Variants in PLCB4 observed in about 807,000 individuals in gnomAD.
PLCB4 encodes the protein phospholipase C beta 4.
Under a neutral mutation model 178.8 loss-of-function variants are expected in PLCB4, and 77 were observed. The observed-to-expected ratio is 0.43, with a 90% CI of 0.36 to 0.52. The LOEUF is 0.52. Ranked by LOEUF, PLCB4 falls within the 20% of genes least tolerant of loss-of-function variation. The probability of loss-of-function intolerance (pLI) is 0.00; values close to 1 mark genes in which losing one functional copy is unlikely to be tolerated. For missense variants in PLCB4, 1,024 were observed against 1,453.4 expected, an observed-to-expected ratio of 0.70 and a Z score of 4.80; for synonymous variants, 496 against 490.8, an observed-to-expected ratio of 1.01 and a Z score of -0.14.
chr20:9,294,345 T>C (rs1302643980), intron 3 of PLCB4, among the ~76,000 whole-genome samples: 3 of 152,182 alleles, frequency 2.0e-5, no homozygotes, highest in Non-Finnish European at 4.4e-5. Context: ...AAGTTGCCTG[T>C]CATTCTTAAC....
intron 38 of PLCB4, among the ~76,000 whole-genome samples, chr20:9,476,439 G>C (rs950641622): frequency 6.6e-6 from 1 of 152,116 alleles, no homozygotes; most frequent in Non-Finnish European, 1.5e-5. Flanking sequence ...AGAGGTAAAA[G>C]GTTTTGCTTA....
intron 3 of PLCB4, among the ~76,000 whole-genome samples, chr20:9,245,749 T>TC (rs398121163): frequency 6.6e-6 from 1 of 151,434 alleles, no homozygotes; most frequent in African/African-American, 2.4e-5. Context: ...TTTTTTTTTT[T>TC]CCAGCCTCCC....
rs116369513 is a variant in PLCB4, at chr20:9,252,261, A to G, written c.-16+34809A>G. Among the ~76,000 whole-genome samples, 1,125 of 152,358 alleles carry G rather than the reference A, an allele frequency of 7.4e-3. 17 individuals are homozygous for G. Among genetic ancestry groups the G allele is most frequent in the African/African-American group, 0.026 (1,082 of 41,588 alleles). Reference sequence around the variant, plus strand: ...AGCTATCATATGAGACACTGCAAGTATAGGTCCTCACTACTCAAAGTGTGG... The same window carrying G: ...AGCTATCATATGAGACACTGCAAGTGTAGGTCCTCACTACTCAAAGTGTGG... On this transcript the variant is annotated intron_variant, in intron 3 of 39. Coordinates refer to ENST00000378473, the MANE Select transcript of PLCB4 (RefSeq NM_001377142.1).
chr20:9,180,419 C>A (rs2093226051), intron 2 of PLCB4, among the ~76,000 whole-genome samples: 1 of 152,132 alleles, frequency 6.6e-6, no homozygotes, highest in Admixed American at 6.5e-5. Flanking sequence ...GTGCTACGAT[C>A]TGAATTCTGC....
At chr20:9,293,840 T>A (rs2094605731) in intron 3 of PLCB4, among the ~76,000 whole-genome samples, 1 of 152,086 alleles carries the variant, frequency 6.6e-6, no homozygotes, top group Non-Finnish European at 1.5e-5. Flanking sequence ...TTTCTTTAAA[T>A]AATAACCAGT....
rs997164092 is a variant in PLCB4 at position 9,229,458 on chromosome 20, C to A, written c.-16+12006C>A. Among the ~76,000 whole-genome samples the A allele has an allele frequency of 9.9e-5, 15 of 151,934 alleles. 1 individual carries two copies. Among genetic ancestry groups the A allele is most frequent in the Admixed American group, 8.5e-4 (13 of 15,252 alleles). ...CATGTCTCCTGCTTGTGCTCAGTGC[C>A]TTTCATGGAGGTTATTGTGCAGTAT... On this transcript the variant is annotated intron_variant, in intron 3 of 39. Transcript: ENST00000378473.
intron 5 of PLCB4, 108 bp downstream of exon 5, chr20:9,337,314 A>G: frequency 1.3e-6 from 1 of 767,110 alleles, no homozygotes; most frequent in East Asian, 2.5e-5. Flanking sequence ...TTATTCATTC[A>G]TTCAAGATTT....
intron 9 of PLCB4, among the ~76,000 whole-genome samples, chr20:9,365,979 G>A (rs1220913897): frequency 6.6e-6 from 1 of 152,050 alleles, no homozygotes; most frequent in Non-Finnish European, 1.5e-5. Context: ...GGGCAGATGG[G>A]GATACTTCTC....
At chr20:9,391,998 A>G (rs1192632781) in intron 17 of PLCB4, among the ~76,000 whole-genome samples, 3 of 152,034 alleles carry the variant, frequency 2.0e-5, no homozygotes, top group Non-Finnish European at 2.9e-5. Flanking sequence ...GTGCAATACT[A>G]CTTTTCTCTG....
rs748758062 is a variant in PLCB4, at chr20:9,307,807, A to C, written c.-8A>C. 1 of 1,547,842 alleles carries C rather than the reference A, an allele frequency of 6.5e-7. No individual in the cohort carries two copies. Among genetic ancestry groups the C allele is most frequent in the South Asian group, 1.2e-5 (1 of 85,314 alleles). Reference sequence around the variant, plus strand: ...ATTCTTTTTCATTTTTAGGTCTTGAATATAATCATGGCCAAACCTTATGAA... The same window carrying C: ...ATTCTTTTTCATTTTTAGGTCTTGACTATAATCATGGCCAAACCTTATGAA... On this transcript the variant is annotated 5_prime_UTR_variant, in exon 4 of 40. Coordinates refer to ENST00000378473, the MANE Select transcript of PLCB4 (RefSeq NM_001377142.1).
intron 36 of PLCB4, 86 bp downstream of exon 36, chr20:9,468,758 C>A: frequency 1.4e-6 from 1 of 692,092 alleles, no homozygotes. Flanking sequence ...CACACACACA[C>A]AACTGAGACA....
chr20:9,227,385 ATATTT>A (rs1209469708), intron 3 of PLCB4, among the ~76,000 whole-genome samples: 2 of 151,710 alleles, frequency 1.3e-5, no homozygotes, highest in African/African-American at 4.8e-5. Flanking sequence ...TTTTGTTGTT[ATATTT>A]AAGAATCCAA....
At chr20:9,177,338 A>G (rs1478662178) in intron 2 of PLCB4, among the ~76,000 whole-genome samples, 4 of 152,174 alleles carry the variant, frequency 2.6e-5, no homozygotes, top group Non-Finnish European at 5.9e-5. Flanking sequence ...GGTTTGTTTT[A>G]CAGATTTTAT....
intron 32 of PLCB4, among the ~76,000 whole-genome samples, chr20:9,449,336 A>G (rs1162367753): frequency 1.3e-5 from 2 of 152,026 alleles, no homozygotes; most frequent in African/African-American, 4.8e-5. Flanking sequence ...AACGTGTTAG[A>G]AGGGGAATTA....
chr20:9,465,458 A>G (rs1339507599), intron 35 of PLCB4, among the ~76,000 whole-genome samples: 1 of 152,184 alleles, frequency 6.6e-6, no homozygotes, highest in African/African-American at 2.4e-5. Context: ...AGAAAGAAAT[A>G]AAGGGTATTC....
intron 2 of PLCB4, among the ~76,000 whole-genome samples, chr20:9,156,926 A>G (rs2092802243): frequency 6.9e-6 from 1 of 144,730 alleles, no homozygotes; most frequent in South Asian, 2.2e-4. Flanking sequence ...GTTGAACTAG[A>G]TGGATCAACT....
chr20:9,208,523 T>C (rs550206970), intron 2 of PLCB4, among the ~76,000 whole-genome samples: 32 of 152,150 alleles, frequency 2.1e-4, no homozygotes, highest in Non-Finnish European at 3.8e-4. Context: ...TTTAATTATA[T>C]TTAAACTTTT....
chr20:9,432,047 C>T (rs74474252), intron 28 of PLCB4, among the ~76,000 whole-genome samples: 1 of 152,032 alleles, frequency 6.6e-6, no homozygotes, highest in East Asian at 1.9e-4. Context: ...AAGTATCTAC[C>T]AGTGGGGAAT....
At chr20:9,238,999 G>A (rs964343775) in intron 3 of PLCB4, among the ~76,000 whole-genome samples, 8 of 152,142 alleles carry the variant, frequency 5.3e-5, no homozygotes, top group African/African-American at 1.7e-4. Context: ...CCAGTACTCA[G>A]TTGATCAGTT....
Sources: gnomAD v4.1 joint callset for allele counts (sites outside exome capture counted in the v4.1 genomes callset) on GRCh38, gnomAD v4.1.1 for gene constraint, MANE v1.5 for transcripts, NCBI Gene and HGNC (gene_info 2026-07-23, HGNC 2026-07-21) for gene names.